The following CDH22 variants were observed in gnomAD, a reference collection of about 807,000 sequenced individuals.
CDH22 encodes cadherin 22.
A neutral mutation model predicts 58.4 loss-of-function variants in CDH22; 30 were observed. The observed-to-expected ratio is 0.51, with a 90% CI of 0.38 to 0.70. The LOEUF is 0.70. Among genes scored for constraint, CDH22 ranks in the 30% least tolerant of loss-of-function variants. The pLI is 0.00. For synonymous variants in CDH22, 513 were observed against 558.2 expected, an observed-to-expected ratio of 0.92 and a Z score of 1.14; for missense variants, 1,014 against 1,233.9, an observed-to-expected ratio of 0.82 and a Z score of 2.67.
At chr20:46,277,683 G>C (rs899638025) in intron 1 of CDH22, among the ~76,000 whole-genome samples, 2 of 152,034 alleles carry the variant, frequency 1.3e-5, no homozygotes, top group African/African-American at 4.8e-5. Context: ...CACTGGTCCA[G>C]TGCTGATAAG....
intron 1 of CDH22, among the ~76,000 whole-genome samples, chr20:46,278,744 T>C (rs915067442): frequency 6.6e-6 from 1 of 152,096 alleles, no homozygotes; most frequent in Non-Finnish European, 1.5e-5. Context: ...CCACCACACC[T>C]GGCTATTAAA....
intron 1 of CDH22, among the ~76,000 whole-genome samples, chr20:46,285,219 G>C (rs537958513): frequency 6.6e-6 from 1 of 152,344 alleles, no homozygotes; most frequent in South Asian, 2.1e-4. Flanking sequence ...CTCTGCCAAA[G>C]GAGAATTGTT....
At chr20:46,258,092 A>G (rs2086415199) in intron 1 of CDH22, among the ~76,000 whole-genome samples, 1 of 152,188 alleles carries the variant, frequency 6.6e-6, no homozygotes, top group Non-Finnish European at 1.5e-5. Context: ...CTGATAGGTC[A>G]GATGTGGACT....
chr20:46,254,818 T>G (rs1453115165), intron 1 of CDH22, among the ~76,000 whole-genome samples: 1 of 152,050 alleles, frequency 6.6e-6, no homozygotes, highest in East Asian at 1.9e-4. Context: ...GAAGGAGCTG[T>G]GCACAAAATA....
rs938659191 is a variant in CDH22, at chr20:46,308,095, A to C, written c.-400+160T>G. ...TCCCGGCCGAGAGGAGGGGGCGCGC[A>C]GGGCCGGGCGCAGGCACCCCGGCTC... On this transcript the variant is annotated intron_variant, in intron 1 of 11. Coordinates refer to ENST00000537909, the MANE Select transcript of CDH22 (RefSeq NM_021248.3). The surrounding 1 kb of genome is among the most constrained non-coding windows in gnomAD (Gnocchi z 4.3). 2.0e-5 allele frequency among the ~76,000 whole-genome samples: 3 copies of C among 151,138 alleles called. No individual in the cohort carries two copies. The highest frequency in any genetic ancestry group is 4.4e-5 in the Non-Finnish European group (3 of 67,674).
chr20:46,295,128 C>T (rs937323747), intron 1 of CDH22, among the ~76,000 whole-genome samples: 2 of 152,254 alleles, frequency 1.3e-5, no homozygotes, highest in Non-Finnish European at 2.9e-5. Flanking sequence ...TCTGGGGTGT[C>T]TCTGAGAGCC....
chr20:46,236,972 C>T (rs1168378166), intron 3 of CDH22, among the ~76,000 whole-genome samples: 2 of 152,202 alleles, frequency 1.3e-5, no homozygotes, highest in Admixed American at 1.3e-4. Context: ...GGATTACAGG[C>T]ATGGGCCACC....
Position 46,308,471 on chromosome 20 carries a change from G to T in CDH22, c.-616C>A. ...CGAGAGAGCGAGGGAGTGAGCGAGC[G>T]AGCGGGAGCGAGGGAGTGTGCGTGT... On this transcript the variant is annotated 5_prime_UTR_variant, in exon 1 of 12. Transcript: ENST00000537909. This position sits in a 1 kb window ranked among gnomAD's most constrained non-coding sequence, Gnocchi z 4.3. The T allele has an allele frequency of 4.7e-6, 1 of 213,820 alleles. No individual in the cohort carries two copies. The highest frequency in any genetic ancestry group is 1.8e-4 in the South Asian group (1 of 5,550). The allele number at this position is 213,820 out of a possible 1,614,324, so 13.2% of individuals were successfully genotyped here. A position where few individuals can be genotyped will look rare whatever the true frequency, so the allele number is the denominator to read the frequency against.
At chr20:46,229,097 G>C (rs2086201091) in intron 3 of CDH22, among the ~76,000 whole-genome samples, 2 of 152,178 alleles carry the variant, frequency 1.3e-5, no homozygotes, top group Non-Finnish European at 2.9e-5. Flanking sequence ...GAGAAGCTGA[G>C]GAAGAGGGAT....
In CDH22 at chr20:46,251,056, G is replaced by A; in HGVS notation, c.239C>T (p.Pro80Leu). 1 of 1,611,614 alleles carries A rather than the reference G, an allele frequency of 6.2e-7. No individual in the cohort carries two copies. Among genetic ancestry groups the A allele is most frequent in the Non-Finnish European group, 8.5e-7 (1 of 1,178,360 alleles). ...FVVEEYTGTE[P>L]LYVGKIHSDS... Reference sequence around the variant, plus strand: ...CCACTTTACCTTGCCCACATACAGGGGCTCCGTGCCCGTGTACTCCTCTAC... The same window carrying A: ...CCACTTTACCTTGCCCACATACAGGAGCTCCGTGCCCGTGTACTCCTCTAC... Residue 80 changes from proline to leucine, a missense_variant, in exon 2 of 12, where the codon CCC becomes CTC. By Grantham distance (98) the Pro-to-Leu change is moderately conservative (BLOSUM62 -3). Around this residue, in one of 2 missense-constraint regions of CDH22, gnomAD observed 806 missense variants for 1,038.7 expected, o/e 0.78. Coordinates refer to ENST00000537909, the MANE Select transcript of CDH22 (RefSeq NM_021248.3). The surrounding 1 kb of genome is among the most constrained non-coding windows in gnomAD (Gnocchi z 6.7).
intron 1 of CDH22, among the ~76,000 whole-genome samples, chr20:46,283,033 C>G (rs1047218457): frequency 2.0e-5 from 3 of 152,242 alleles, no homozygotes. Flanking sequence ...TCGCCTCTTC[C>G]TGGCCCTCCT....
intron 2 of CDH22, among the ~76,000 whole-genome samples, chr20:46,245,753 T>C (rs1025282831): frequency 1.3e-5 from 2 of 152,216 alleles, no homozygotes; most frequent in Non-Finnish European, 2.9e-5. Flanking sequence ...CAGGTACAGA[T>C]GGACAGTCGC....
At position 46,308,048 on chromosome 20, in the gene CDH22, G is replaced by C. The variant is rs573334926; in HGVS notation, c.-400+207C>G. ...GCTCCGCGCCGGGGAAAGTTTGGAC[G>C]TGGGAAACTCCCTCCCCGCCCTCCC... On this transcript the variant is annotated intron_variant, in intron 1 of 11. Transcript: ENST00000537909. The surrounding 1 kb of genome is among the most constrained non-coding windows in gnomAD (Gnocchi z 4.3). Among the ~76,000 whole-genome samples, 16 of 151,712 alleles carry C rather than the reference G, an allele frequency of 1.1e-4. No individual in the cohort carries two copies. Among genetic ancestry groups the C allele is most frequent in the African/African-American group, 3.6e-4 (15 of 41,484 alleles).
chr20:46,240,848 C>T (rs2086284331), intron 3 of CDH22, 115 bp downstream of exon 3: 2 of 965,828 alleles, frequency 2.1e-6, no homozygotes, highest in South Asian at 3.4e-5. Context: ...TACCCTAGGT[C>T]AGCAGGCTCT....
intron 1 of CDH22, among the ~76,000 whole-genome samples, chr20:46,290,501 T>C (rs1419715642): frequency 1.3e-5 from 2 of 152,212 alleles, no homozygotes; most frequent in East Asian, 3.9e-4. Context: ...GATTTATTCA[T>C]TCTCTGAAGG....
At position 46,254,555 on chromosome 20, in the gene CDH22, A is replaced by AC. The variant is rs991500214; in HGVS notation, c.-399-2863_-399-2862insG. ...GGGTGACAAAGTGAAATTCCATCTC[A>AC]AAAAAAAAAAAAAAAAAAAAATTGA... On this transcript the variant is annotated intron_variant, in intron 1 of 11. Transcript: ENST00000537909. 5.9e-4 allele frequency among the ~76,000 whole-genome samples: 56 copies of AC among 94,402 alleles called. 2 individuals are homozygous for AC. The South Asian group carries it at 0.018, about 30-fold the overall frequency. 61.9% of individuals were successfully genotyped at this position (94,402 alleles called of 152,430 possible).
Position 46,308,197 on chromosome 20 carries a change from G to A in CDH22, c.-400+58C>T, listed in dbSNP as rs2059032488. On this transcript the variant is annotated intron_variant, in intron 1 of 11. Coordinates refer to ENST00000537909, the MANE Select transcript of CDH22 (RefSeq NM_021248.3). This position sits in a 1 kb window ranked among gnomAD's most constrained non-coding sequence, Gnocchi z 4.3. ...CGGCCAGGGGGCTCCCTCCCTGCCGGGCAGCCTCCCCTCGGCGGCGATCCG... is the reference window on the plus strand; with the variant it reads ...CGGCCAGGGGGCTCCCTCCCTGCCGAGCAGCCTCCCCTCGGCGGCGATCCG... The A allele has an allele frequency of 6.6e-6, 1 of 151,162 alleles. No individual in the cohort carries two copies. The allele number at this position is 151,162 out of a possible 1,614,324, so 9.4% of individuals were successfully genotyped here.
At chr20:46,254,950 G>C (rs2086399344) in intron 1 of CDH22, among the ~76,000 whole-genome samples, 1 of 152,172 alleles carries the variant, frequency 6.6e-6, no homozygotes, top group South Asian at 2.1e-4. Context: ...GGAGGAGAAG[G>C]CACGCTTGTT....
chr20:46,304,578 C>T (rs541642106), intron 1 of CDH22, among the ~76,000 whole-genome samples: 2 of 152,332 alleles, frequency 1.3e-5, no homozygotes, highest in Admixed American at 1.3e-4. Flanking sequence ...GCTTGTGGGT[C>T]TGACGACAAA....
Sources: allele counts gnomAD v4.1 joint callset (sites outside exome capture counted in the v4.1 genomes callset), GRCh38; gene constraint gnomAD v4.1.1; regional missense constraint gnomAD v4.1.1; non-coding constraint Gnocchi (gnomAD v3.1); transcripts MANE v1.5; gene names NCBI Gene and HGNC (gene_info 2026-07-23, HGNC 2026-07-21).